The following GAREM1 variants were observed in gnomAD, a reference collection of about 807,000 sequenced individuals.
GAREM1 encodes GRB2-associated and regulator of MAPK protein 1.
GAREM1 carries 26 observed loss-of-function variants against 71.3 expected under a neutral mutation model. That is an observed-to-expected ratio of 0.36 (90% confidence interval 0.27 to 0.51). The LOEUF (loss-of-function observed/expected upper bound fraction) is 0.51, where lower values mean the gene tolerates loss of function less well. Among genes scored for constraint, GAREM1 ranks in the 20% least tolerant of loss-of-function variants. The pLI, the probability that GAREM1 is intolerant of heterozygous loss-of-function variation, is 0.95. For missense variants in GAREM1, 1,026 were observed against 1,103.1 expected (o/e 0.93, Z 0.99); for synonymous variants, 440 against 433.2 (o/e 1.02, Z -0.20).
Position 32,397,686 on chromosome 18 carries a change from C to T in GAREM1, c.122-4651G>A, listed in dbSNP as rs568610418. Among the ~76,000 whole-genome samples the T allele has an allele frequency of 2.6e-5, 4 of 152,278 alleles. No homozygotes were observed. In the East Asian group the frequency reaches 7.7e-4, roughly 29 times the overall value. On this transcript the variant is annotated intron_variant, in intron 1 of 5. Transcript: ENST00000269209. ...TAGAGACCTACAAAGAGACTTAGAA[C>T]TCCCACACAATAATAATGGGAGACT... is the stretch of plus-strand genomic sequence containing the variant.
chr18:32,400,502 A>G (rs2048304411), intron 1 of GAREM1, among the ~76,000 whole-genome samples: 1 of 152,240 alleles, frequency 6.6e-6, no homozygotes. Flanking sequence ...CCCCATCAAC[A>G]AGTGGGTGAA....
intron 3 of GAREM1, among the ~76,000 whole-genome samples, chr18:32,309,669 A>G (rs1261349619): frequency 6.6e-6 from 1 of 151,450 alleles, no homozygotes; most frequent in East Asian, 1.9e-4. Flanking sequence ...AGAGCACAAC[A>G]AACACTATAT....
In GAREM1 at chr18:32,287,770, A is replaced by G. The variant is rs373475695; in HGVS notation, c.827T>C (p.Ile276Thr). 7 of 1,613,216 alleles carry G rather than the reference A, an allele frequency of 4.3e-6. No homozygotes were observed. The Admixed American group carries it at 6.7e-5, about 15-fold the overall frequency. ...GCAAACCACCACCGTCTTGGTCTGG[A>G]TGTTCACAAACTTATAGCGGTGCCC... is the stretch of plus-strand genomic sequence containing the variant. ...REGHRYKFVN[I>T]QTKTVVVCCV... Residue 276 changes from isoleucine to threonine, a missense_variant, in exon 4 of 6, where the codon ATC becomes ACC. Ile to Thr is a moderately conservative substitution (Grantham distance 89). Around this residue, in one of 3 missense-constraint regions of GAREM1, gnomAD observed 218 missense variants for 296.8 expected, o/e 0.73. Coordinates refer to ENST00000269209, the MANE Select transcript of GAREM1 (RefSeq NM_001242409.2). The surrounding 1 kb of genome is among the most constrained non-coding windows in gnomAD (Gnocchi z 5.9).
chr18:32,358,949 G>A (rs2047833901), intron 2 of GAREM1, among the ~76,000 whole-genome samples: 1 of 152,160 alleles, frequency 6.6e-6, no homozygotes, highest in Admixed American at 6.5e-5. Context: ...ATTAAACCAA[G>A]TGCTGGGTCC....
At chr18:32,380,347 G>A (rs768652741) in intron 2 of GAREM1, among the ~76,000 whole-genome samples, 6 of 151,846 alleles carry the variant, frequency 4.0e-5, no homozygotes, top group South Asian at 2.1e-4. Flanking sequence ...GTGGTGGCAC[G>A]TGTCTGTAAT....
chr18:32,438,508 G>C (rs1204934283), intron 1 of GAREM1, among the ~76,000 whole-genome samples: 1 of 152,210 alleles, frequency 6.6e-6, no homozygotes, highest in Non-Finnish European at 1.5e-5. Context: ...ACTAACTGCT[G>C]CTGAGGACAG....
chr18:32,276,492 G>T (rs559281558), intron 4 of GAREM1, among the ~76,000 whole-genome samples: 1 of 152,274 alleles, frequency 6.6e-6, no homozygotes, highest in South Asian at 2.1e-4. Flanking sequence ...ATACAATCTG[G>T]TAAGTGTGAT....
chr18:32,367,584 A>C (rs1224950365), intron 2 of GAREM1, among the ~76,000 whole-genome samples: 1 of 152,250 alleles, frequency 6.6e-6, no homozygotes, highest in East Asian at 1.9e-4. Context: ...ATACGAGAAG[A>C]GCAATCTCTC....
intron 3 of GAREM1, among the ~76,000 whole-genome samples, chr18:32,303,102 T>G (rs2047216423): frequency 6.6e-6 from 1 of 152,174 alleles, no homozygotes; most frequent in African/African-American, 2.4e-5. Flanking sequence ...GTGGGTAACT[T>G]TCTCTAATGA....
intron 1 of GAREM1, among the ~76,000 whole-genome samples, chr18:32,434,212 C>A (rs1014337073): frequency 6.6e-6 from 1 of 152,100 alleles, no homozygotes; most frequent in African/African-American, 2.4e-5. Flanking sequence ...TCAAAAAGAA[C>A]CTTGTTGTGT....
chr18:32,458,680 G>A (rs777156990), intron 1 of GAREM1, among the ~76,000 whole-genome samples: 2 of 151,694 alleles, frequency 1.3e-5, no homozygotes, highest in Non-Finnish European at 2.9e-5. Context: ...TGAACAAAGG[G>A]CTCAGGAAAT....
At position 32,287,253 on chromosome 18, in the gene GAREM1, C is replaced by G. The variant is rs766290547; in HGVS notation, c.1344G>C (p.Lys448Asn). 3.1e-6 allele frequency: 5 copies of G among 1,614,210 alleles called. No homozygotes were observed. The East Asian group carries it at 1.1e-4, about 36-fold the overall frequency. The change falls in exon 4 of 6, where the codon AAG (lysine) becomes AAC (asparagine). Residue 448 changes from lysine to asparagine, a missense_variant. Lys to Asn is a moderately conservative substitution (Grantham distance 94). Coordinates refer to ENST00000269209, the MANE Select transcript of GAREM1 (RefSeq NM_001242409.2). The surrounding 1 kb of genome is among the most constrained non-coding windows in gnomAD (Gnocchi z 5.9). Reference sequence around the variant, plus strand: ...ACAGCTCTTCGTAGGGAAGTTCTGACTTTCCCGGGATGCCTGCTGATTCTT... The same window carrying G: ...ACAGCTCTTCGTAGGGAAGTTCTGAGTTTCCCGGGATGCCTGCTGATTCTT... The part of the protein sequence containing the change: ...ASEESAGIPG[K>N]SELPYEELWL...
At chr18:32,442,236 T>C (rs936837857) in intron 1 of GAREM1, among the ~76,000 whole-genome samples, 1 of 152,158 alleles carries the variant, frequency 6.6e-6, no homozygotes, top group Admixed American at 6.5e-5. Context: ...TTACCAATTT[T>C]TACAACCATA....
intron 3 of GAREM1, among the ~76,000 whole-genome samples, chr18:32,305,273 C>T (rs2047242367): frequency 6.6e-6 from 1 of 152,088 alleles, no homozygotes; most frequent in Non-Finnish European, 1.5e-5. Flanking sequence ...TTTCTGTACT[C>T]TCTCATCTCC....
chr18:32,452,058 C>T (rs772053840), intron 1 of GAREM1, among the ~76,000 whole-genome samples: 7 of 152,066 alleles, frequency 4.6e-5, no homozygotes, highest in Non-Finnish European at 7.3e-5. Flanking sequence ...TTCTGACATG[C>T]TTTCTTGAGA....
Position 32,324,602 on chromosome 18 carries a change from T to C in GAREM1, c.263-14279A>G, listed in dbSNP as rs144882796. Among the ~76,000 whole-genome samples, 22 of 152,316 alleles carry C rather than the reference T, an allele frequency of 1.4e-4. No homozygotes were observed. The South Asian group carries it at 1.9e-3, about 13-fold the overall frequency. On this transcript the variant is annotated intron_variant, in intron 2 of 5. Transcript: ENST00000269209. ...CACACACAGTATTATCAAAAGAGGA[T>C]AGGAGGACAGTCCAAATTCTAACAC...
intron 4 of GAREM1, among the ~76,000 whole-genome samples, chr18:32,274,615 C>A (rs1043695381): frequency 3.9e-5 from 6 of 152,144 alleles, no homozygotes; most frequent in African/African-American, 1.4e-4. Flanking sequence ...GCAATCTCTC[C>A]CACTGCTCCT....
intron 1 of GAREM1, among the ~76,000 whole-genome samples, chr18:32,433,327 C>A (rs746503722): frequency 6.6e-6 from 1 of 151,772 alleles, no homozygotes; most frequent in Non-Finnish European, 1.5e-5. Flanking sequence ...CAATTAACAT[C>A]ATACTTTCTG....
chr18:32,271,252 G>A (rs1598918235), intron 4 of GAREM1, among the ~76,000 whole-genome samples: 1 of 151,812 alleles, frequency 6.6e-6, no homozygotes, highest in South Asian at 2.1e-4. Flanking sequence ...GAGTGCAGCG[G>A]CACCATCTTG....
Sources: allele counts gnomAD v4.1 joint callset (sites outside exome capture counted in the v4.1 genomes callset), GRCh38; gene constraint gnomAD v4.1.1; regional missense constraint gnomAD v4.1.1; non-coding constraint Gnocchi (gnomAD v3.1); transcripts MANE v1.5; gene names NCBI Gene and HGNC (gene_info 2026-07-23, HGNC 2026-07-21).